Variants in CHRDL1 observed in about 807,000 individuals in gnomAD.
CHRDL1 encodes the protein chordin like 1.
CHRDL1 carries 19 observed loss-of-function variants against 40.9 expected under a neutral mutation model. The observed-to-expected ratio is 0.46, with a 90% CI of 0.32 to 0.68. CHRDL1 has a LOEUF of 0.68. CHRDL1 is among the 30% of genes least tolerant of loss of function. CHRDL1 has a pLI of 0.03. For missense variants in CHRDL1, 329 were observed against 352.1 expected (o/e 0.93, Z 0.53); for synonymous variants, 136 against 123.4 (o/e 1.10, Z -0.68).
At chrX:110,758,102 CAAAAACA>C (rs1339037802) in intron 4 of CHRDL1, among the ~76,000 whole-genome samples, 6 of 78,299 alleles carry the variant, frequency 7.7e-5, no homozygotes, top group African/African-American at 2.2e-4. Context: ...AACCAAAAAA[CAAAAACA>C]AAAAACAAAA....
intron 9 of CHRDL1, among the ~76,000 whole-genome samples, chrX:110,682,348 C>T (rs2069918973): frequency 8.9e-6 from 1 of 111,947 alleles, no homozygotes; most frequent in African/African-American, 3.2e-5. Context: ...AGTCCCTCAG[C>T]GATGGATCAT....
At chrX:110,749,589 T>C (rs753715475) in intron 4 of CHRDL1, among the ~76,000 whole-genome samples, 8 of 111,871 alleles carry the variant, frequency 7.2e-5, no homozygotes, top group African/African-American at 1.6e-4. Flanking sequence ...ATTTATAAAA[T>C]AGACTACTTT....
chrX:110,689,061 AATATATATATGTAT>A (rs1432787665), intron 8 of CHRDL1, among the ~76,000 whole-genome samples: 14 of 76,250 alleles, frequency 1.8e-4, no homozygotes, highest in African/African-American at 6.4e-4. Flanking sequence ...GCAGTCCATA[AATATATATATGTAT>A]ATATATATAT....
Position 110,676,269 on chromosome X carries a change from C to T in CHRDL1, c.1339G>A (p.Val447Ile). 1 of 1,209,450 alleles carries T rather than the reference C, an allele frequency of 8.3e-7. No homozygotes were observed. The highest frequency in any genetic ancestry group is 1.8e-5 in the South Asian group (1 of 56,908). ...TTTTCAGATCTCTCCAGGTACAAAA[C>T]CTTGACTAAATCTTCAAGCTCTGTT... is the stretch of plus-strand genomic sequence containing the variant. ...CRTELEDLVKVLYLERSEKGH... is the reference protein window; with the variant it reads ...CRTELEDLVKILYLERSEKGH... The change falls in exon 12 of 12, where the codon GTT becomes ATT. Residue 447 changes from valine (V) to isoleucine (I), a missense_variant. By Grantham distance (29) the Val-to-Ile change is conservative. Transcript: ENST00000372042.
chrX:110,770,870 G>A (rs1409662994), intron 2 of CHRDL1, among the ~76,000 whole-genome samples: 8 of 111,908 alleles, frequency 7.1e-5, no homozygotes, highest in Non-Finnish European at 1.3e-4. Context: ...CCTGAGACTG[G>A]GCGTGGTGGC....
intron 4 of CHRDL1, among the ~76,000 whole-genome samples, chrX:110,745,106 C>A (rs1044744458): frequency 1.9e-4 from 21 of 111,484 alleles, no homozygotes; most frequent in African/African-American, 6.5e-4. Context: ...TCTGCCCTAT[C>A]TCCATAGTGC....
chrX:110,759,488 T>G (rs1422555653), intron 4 of CHRDL1, among the ~76,000 whole-genome samples, 173 bp downstream of exon 4: 1 of 112,331 alleles, frequency 8.9e-6, no homozygotes, highest in Non-Finnish European at 1.9e-5. Context: ...GAGCCTAGAA[T>G]GTACCCCATT....
intron 6 of CHRDL1, among the ~76,000 whole-genome samples, chrX:110,705,092 G>T (rs2070595910): frequency 9.2e-6 from 1 of 108,620 alleles, no homozygotes; most frequent in Non-Finnish European, 1.9e-5. Flanking sequence ...GAAGCACATA[G>T]CGCCTCTTAC....
chrX:110,741,986 T>C (rs1277342761), intron 4 of CHRDL1, among the ~76,000 whole-genome samples: 2 of 112,265 alleles, frequency 1.8e-5, no homozygotes, highest in Non-Finnish European at 3.8e-5. Context: ...TACCATAGGT[T>C]GGCTCTGGGT....
intron 4 of CHRDL1, among the ~76,000 whole-genome samples, chrX:110,726,100 A>C (rs924557624): frequency 2.7e-5 from 3 of 111,182 alleles, no homozygotes; most frequent in African/African-American, 9.8e-5. Flanking sequence ...AAACCCCTAG[A>C]ATAGGATGCT....
chrX:110,772,732 C>A (rs1201173494), intron 2 of CHRDL1, among the ~76,000 whole-genome samples: 1 of 112,532 alleles, frequency 8.9e-6, no homozygotes, highest in African/African-American at 3.2e-5. Flanking sequence ...AAAATAGATT[C>A]AAAATCTACC....
intron 4 of CHRDL1, among the ~76,000 whole-genome samples, chrX:110,742,232 G>T (rs1027676558): frequency 3.6e-5 from 4 of 111,906 alleles, no homozygotes; most frequent in Non-Finnish European, 7.5e-5. Flanking sequence ...AGGGCGCTAT[G>T]TCTGATGGCA....
chrX:110,703,257 T>A (rs1603160512), intron 6 of CHRDL1, among the ~76,000 whole-genome samples: 1 of 112,032 alleles, frequency 8.9e-6, no homozygotes, highest in South Asian at 3.7e-4. Flanking sequence ...ATAACCAGGC[T>A]GGAGCACTTA....
At chrX:110,753,887 T>C (rs1452979810) in intron 4 of CHRDL1, among the ~76,000 whole-genome samples, 2 of 112,486 alleles carry the variant, frequency 1.8e-5, no homozygotes, top group African/African-American at 3.2e-5. Context: ...GTCTGTGCTA[T>C]AGTGTGGATT....
Position 110,681,550 on chromosome X carries a change from G to C in CHRDL1, c.1088C>G (p.Thr363Ser). 1 of 1,206,391 alleles carries C rather than the reference G, an allele frequency of 8.3e-7. No individual in the cohort carries two copies. Among genetic ancestry groups the C allele is most frequent in the Non-Finnish European group, 1.1e-6 (1 of 890,904 alleles). ...CTCAGTCTCCAGTGCTATTTTTCTG[G>C]TTGTCTCCCCATCCTCCATGAATAC... is the stretch of plus-strand genomic sequence containing the variant. ...ESVFMEDGET[T>S]RKIALETERP... Residue 363 changes from threonine (T) to serine (S), a missense_variant, in exon 10 of 12, where the codon ACC becomes AGC. Physicochemically the swap from Thr to Ser is moderately conservative, Grantham distance 58 (BLOSUM62 1). Transcript: ENST00000372042.
At chrX:110,782,704 T>G (rs781497962) in intron 2 of CHRDL1, among the ~76,000 whole-genome samples, 27 of 112,399 alleles carry the variant, frequency 2.4e-4, no homozygotes, top group Admixed American at 2.3e-3. Flanking sequence ...GCTCATGCTT[T>G]TAAGGGCTTT....
At chrX:110,689,410 A>C (rs1569461398) in intron 8 of CHRDL1, among the ~76,000 whole-genome samples, 1 of 68,824 alleles carries the variant, frequency 1.5e-5, no homozygotes, top group East Asian at 3.2e-4. Context: ...ATATATCTAT[A>C]TATCTATATA....
At chrX:110,731,525 A>T (rs963253502) in intron 4 of CHRDL1, among the ~76,000 whole-genome samples, 2 of 112,051 alleles carry the variant, frequency 1.8e-5, no homozygotes, top group Admixed American at 9.5e-5. Flanking sequence ...AGGAACTGAA[A>T]CAGATATGTG....
At chrX:110,772,411 G>A (rs969419651) in intron 2 of CHRDL1, among the ~76,000 whole-genome samples, 2 of 113,000 alleles carry the variant, frequency 1.8e-5, no homozygotes, top group African/African-American at 6.4e-5. Flanking sequence ...GGCTGAGGCA[G>A]GCAAATCGCT....
Sources: gnomAD v4.1 joint callset for allele counts (sites outside exome capture counted in the v4.1 genomes callset) on GRCh38, gnomAD v4.1.1 for gene constraint, MANE v1.5 for transcripts, NCBI Gene and HGNC (gene_info 2026-07-23, HGNC 2026-07-21) for gene names.